Variants in ADK observed in about 807,000 individuals in gnomAD.
ADK encodes the protein N6,N6-dimethyladenosine kinase.
In ADK, 24 loss-of-function variants were observed where a neutral mutation model predicts 44.7. That is an observed-to-expected ratio of 0.54 (90% CI 0.39 to 0.76). The LOEUF (loss-of-function observed/expected upper bound fraction) is 0.76, where lower values mean the gene tolerates loss of function less well. ADK is among the 30% of genes least tolerant of loss of function. The pLI is 0.00. For missense variants in ADK, 321 were observed against 425.1 expected, an observed-to-expected ratio of 0.76 and a Z score of 2.15; for synonymous variants, 128 against 142.6, an observed-to-expected ratio of 0.90 and a Z score of 0.73.
At chr10:74,445,924 A>C (rs1482495391) in intron 6 of ADK, among the ~76,000 whole-genome samples, 1 of 151,994 alleles carries the variant, frequency 6.6e-6, no homozygotes, top group Non-Finnish European at 1.5e-5. Flanking sequence ...TTTAAATTTA[A>C]ATACATAAAT....
chr10:74,290,583 G>T (rs542823468), intron 3 of ADK, among the ~76,000 whole-genome samples: 3 of 151,534 alleles, frequency 2.0e-5, no homozygotes, highest in African/African-American at 7.3e-5. Flanking sequence ...TTATGAAAGA[G>T]ACAAGTGTTT....
At chr10:74,205,504 C>T (rs532618606) in intron 2 of ADK, among the ~76,000 whole-genome samples, 2 of 151,610 alleles carry the variant, frequency 1.3e-5, no homozygotes. Context: ...GGCAAAATTC[C>T]GTCTCTATTA....
chr10:74,181,273 T>A, intron 1 of ADK, among the ~76,000 whole-genome samples: 1 of 152,112 alleles, frequency 6.6e-6, no homozygotes, highest in East Asian at 1.9e-4. Context: ...AATTCCTAAA[T>A]AATAATTTTA....
At chr10:74,644,822 A>G (rs1010885416) in intron 9 of ADK, among the ~76,000 whole-genome samples, 1 of 152,042 alleles carries the variant, frequency 6.6e-6, no homozygotes, top group African/African-American at 2.4e-5. Flanking sequence ...GAGCCACCAT[A>G]CCCGGCCTGG....
At chr10:74,206,017 G>A (rs1228081740) in intron 2 of ADK, among the ~76,000 whole-genome samples, 1 of 152,018 alleles carries the variant, frequency 6.6e-6, no homozygotes, top group African/African-American at 2.4e-5. Context: ...AAAATCAGTT[G>A]GACATGAATT....
intron 3 of ADK, among the ~76,000 whole-genome samples, chr10:74,235,805 G>T (rs538045467): frequency 6.6e-6 from 1 of 152,296 alleles, no homozygotes; most frequent in Admixed American, 6.5e-5. Context: ...AGAGGTGGAG[G>T]CCTTTAAGAG....
At chr10:74,380,434 G>T (rs545907585) in intron 4 of ADK, among the ~76,000 whole-genome samples, 5 of 152,168 alleles carry the variant, frequency 3.3e-5, no homozygotes, top group Admixed American at 1.3e-4. Context: ...GTTCCTTATT[G>T]TAAGGTGGTT....
intron 9 of ADK, among the ~76,000 whole-genome samples, chr10:74,631,248 G>A (rs1853407789): frequency 6.6e-6 from 1 of 150,894 alleles, no homozygotes; most frequent in East Asian, 1.9e-4. Flanking sequence ...GTGTGTGTGT[G>A]TATGTGTGTG....
chr10:74,552,308 C>G (rs1850063784), intron 7 of ADK, among the ~76,000 whole-genome samples: 2 of 152,094 alleles, frequency 1.3e-5, no homozygotes, highest in African/African-American at 4.8e-5. Context: ...TTTTCATAAG[C>G]CACTGCTGTC....
At chr10:74,523,997 A>G (rs1369872284) in intron 6 of ADK, among the ~76,000 whole-genome samples, 1 of 152,122 alleles carries the variant, frequency 6.6e-6, no homozygotes, top group Non-Finnish European at 1.5e-5. Flanking sequence ...TGCCCACCAA[A>G]TAGATTCCTA....
intron 10 of ADK, among the ~76,000 whole-genome samples, chr10:74,677,963 T>TAAA (rs1855456717): frequency 8.0e-4 from 2 of 2,512 alleles, no homozygotes; most frequent in Non-Finnish European, 1.4e-3. Context: ...CCCCAGTCTC[T>TAAA]ACAAAAAAAA....
At chr10:74,348,719 T>C (rs1475254327) in intron 4 of ADK, among the ~76,000 whole-genome samples, 1 of 151,684 alleles carries the variant, frequency 6.6e-6, no homozygotes, top group Non-Finnish European at 1.5e-5. Context: ...GGAACATAAA[T>C]GACCTGATGG....
chr10:74,218,763 G>A lies in ADK; in HGVS notation c.141-5775G>A, dbSNP rs199774770. Among the ~76,000 whole-genome samples, 563 of 152,192 alleles carry A rather than the reference G, an allele frequency of 3.7e-3. 4 individuals carry two copies. The highest frequency in any genetic ancestry group is 0.012 in the East Asian group (60 of 5,178). Reference sequence around the variant, plus strand: ...TCAACACAGAATTTCATATCCAGCCGAACTAAGCTTCATAAGTGAAGGAGA... The same window carrying A: ...TCAACACAGAATTTCATATCCAGCCAAACTAAGCTTCATAAGTGAAGGAGA... On this transcript the variant is annotated intron_variant, in intron 2 of 10. Transcript: ENST00000539909.
chr10:74,394,734 G>A (rs1424733910), intron 5 of ADK, among the ~76,000 whole-genome samples: 2 of 151,984 alleles, frequency 1.3e-5, no homozygotes, highest in Non-Finnish European at 1.5e-5. Flanking sequence ...TGTATTTTAT[G>A]TATATAAAAT....
chr10:74,667,448 A>T (rs752578218), intron 9 of ADK, among the ~76,000 whole-genome samples: 5 of 151,648 alleles, frequency 3.3e-5, no homozygotes, highest in African/African-American at 4.8e-5. Flanking sequence ...GTGTGTGTAT[A>T]TATATATATA....
rs147601816 is a variant in ADK at position 74,375,074 on chromosome 10, C to T, written c.274-19067C>T. On this transcript the variant is annotated intron_variant, in intron 4 of 10. Coordinates refer to ENST00000539909, the MANE Select transcript of ADK (RefSeq NM_006721.4). ...AGTTCCTAATTTTATTGTGGGTGCT[C>T]AGTAACATTTTTATTTTGATGATGT... Among the ~76,000 whole-genome samples the T allele has an allele frequency of 2.4e-3, 365 of 152,130 alleles. 2 individuals are homozygous for T. Among genetic ancestry groups the T allele is most frequent in the African/African-American group, 8.4e-3 (347 of 41,524 alleles).
chr10:74,561,319 A>G (rs113764856), intron 7 of ADK, among the ~76,000 whole-genome samples: 40 of 152,310 alleles, frequency 2.6e-4, no homozygotes, highest in Non-Finnish European at 5.1e-4. Context: ...AGCCTGCTAG[A>G]TGTTGTCAAA....
intron 6 of ADK, among the ~76,000 whole-genome samples, chr10:74,489,501 G>A (rs1847394582): frequency 6.6e-6 from 1 of 151,772 alleles, no homozygotes; most frequent in South Asian, 2.1e-4. Flanking sequence ...ATGTACATAT[G>A]TGAAAAAAAG....
intron 9 of ADK, among the ~76,000 whole-genome samples, chr10:74,625,544 A>C (rs1468968156): frequency 6.6e-6 from 1 of 152,176 alleles, no homozygotes; most frequent in Non-Finnish European, 1.5e-5. Flanking sequence ...TCACACTTCC[A>C]TTTGTTTATA....
Sources: allele counts gnomAD v4.1 joint callset (sites outside exome capture counted in the v4.1 genomes callset), GRCh38; gene constraint gnomAD v4.1.1; transcripts MANE v1.5; gene names NCBI Gene and HGNC (gene_info 2026-07-23, HGNC 2026-07-21).